Variants in RAP1A observed in about 807,000 individuals in gnomAD.
RAP1A encodes ras-related protein Rap-1A.
A neutral mutation model predicts 26.4 loss-of-function variants in RAP1A; 6 were observed. That is an observed-to-expected ratio of 0.23 (90% CI 0.12 to 0.45). The LOEUF is 0.45. Ranked by LOEUF, RAP1A falls within the 20% of genes least tolerant of loss-of-function variation. The pLI is 0.99. For synonymous variants in RAP1A, 73 were observed against 79.4 expected (o/e 0.92, Z 0.43); for missense variants, 121 against 217.2 (o/e 0.56, Z 2.78).
chr1:111,702,427 A>T lies in RAP1A; in HGVS notation c.184-909A>T, dbSNP rs1338706525. Among the ~76,000 whole-genome samples the T allele has an allele frequency of 2.6e-5, 4 of 152,204 alleles. No homozygotes were observed. In the East Asian group the frequency reaches 7.7e-4, roughly 29 times the overall value. ...AGGAAGTTTAAAATTAAGTAATTTT[A>T]ATTTGGCATGACTAAAGCTCAGTAA... is the stretch of plus-strand genomic sequence containing the variant. On this transcript the variant is annotated intron_variant, in intron 4 of 7. Transcript: ENST00000369709.
chr1:111,673,584 G>T (rs1661038933), intron 1 of RAP1A, among the ~76,000 whole-genome samples: 1 of 152,162 alleles, frequency 6.6e-6, no homozygotes, highest in South Asian at 2.1e-4. Flanking sequence ...ACTCAGAATT[G>T]ACTTAAAATT....
intron 1 of RAP1A, among the ~76,000 whole-genome samples, chr1:111,549,649 CAAA>C (rs370585012): frequency 1.7e-4 from 16 of 94,402 alleles, no homozygotes; most frequent in Admixed American, 4.6e-4. Context: ...GACTCTGTTT[CAAA>C]AAAAAAAAAA....
intron 1 of RAP1A, among the ~76,000 whole-genome samples, chr1:111,679,685 T>C (rs1661235722): frequency 6.6e-6 from 1 of 152,158 alleles, no homozygotes; most frequent in Non-Finnish European, 1.5e-5. Context: ...CACAGCATTC[T>C]GAAGTTGACC....
chr1:111,662,974 C>CATG (rs1220320253), intron 1 of RAP1A, among the ~76,000 whole-genome samples: 1 of 152,140 alleles, frequency 6.6e-6, no homozygotes, highest in Non-Finnish European at 1.5e-5. Context: ...GAGCAAGTGG[C>CATG]ATGATCTTGG....
chr1:111,640,381 T>G (rs777153977), intron 1 of RAP1A, among the ~76,000 whole-genome samples: 7 of 152,200 alleles, frequency 4.6e-5, no homozygotes, highest in Admixed American at 6.5e-5. Context: ...TTTAAAACAT[T>G]TTTTCCTCAC....
intron 1 of RAP1A, among the ~76,000 whole-genome samples, chr1:111,543,733 A>G (rs1367706029): frequency 6.6e-6 from 1 of 151,898 alleles, no homozygotes; most frequent in East Asian, 1.9e-4. Flanking sequence ...GAGGAGGAGG[A>G]AGAGGAGGGA....
intron 1 of RAP1A, among the ~76,000 whole-genome samples, chr1:111,552,051 A>G (rs759086459): frequency 1.3e-5 from 2 of 152,156 alleles, no homozygotes; most frequent in Non-Finnish European, 2.9e-5. Context: ...TGGTTAATCT[A>G]TTGTTTGCCC....
chr1:111,551,194 T>C (rs893314441), intron 1 of RAP1A, among the ~76,000 whole-genome samples: 1 of 152,242 alleles, frequency 6.6e-6, no homozygotes, highest in Non-Finnish European at 1.5e-5. Flanking sequence ...AAATTCATTC[T>C]TCTAACCTCT....
rs545568255 is a variant in RAP1A, at chr1:111,628,652, A to G, written c.-28+8718A>G. The stretch of plus-strand genomic sequence containing the variant: ...AGACAGGGAATCTGGATTAATAGTA[A>G]CACAGGTAAGGTAAGATCTGAGGGT... On this transcript the variant is annotated intron_variant, in intron 1 of 7. Transcript: ENST00000369709. Among the ~76,000 whole-genome samples the G allele has an allele frequency of 2.0e-5, 3 of 152,308 alleles. No homozygotes were observed. In the East Asian group the frequency reaches 5.8e-4, roughly 29 times the overall value.
intron 1 of RAP1A, among the ~76,000 whole-genome samples, chr1:111,559,692 T>C (rs1657652257): frequency 6.6e-6 from 1 of 152,344 alleles, no homozygotes; most frequent in African/African-American, 2.4e-5. Flanking sequence ...ACATCCATGT[T>C]CCTTTTGCTA....
intron 1 of RAP1A, among the ~76,000 whole-genome samples, chr1:111,663,456 A>G (rs2101162921): frequency 1.3e-5 from 2 of 152,216 alleles, no homozygotes; most frequent in Middle Eastern, 6.8e-3. Flanking sequence ...TATCAATAAC[A>G]CTCTAGTTAC....
chr1:111,647,583 T>C (rs1571525396), intron 1 of RAP1A, among the ~76,000 whole-genome samples: 1 of 152,352 alleles, frequency 6.6e-6, no homozygotes, highest in South Asian at 2.1e-4. Context: ...GGGACTATTA[T>C]AACATTTTTT....
intron 1 of RAP1A, among the ~76,000 whole-genome samples, chr1:111,597,955 C>T (rs1293633828): frequency 6.6e-6 from 1 of 152,152 alleles, no homozygotes; most frequent in Non-Finnish European, 1.5e-5. Flanking sequence ...ATACTACTGA[C>T]ATAGGAAAAA....
chr1:111,691,396 A>G lies in RAP1A; in HGVS notation c.36A>G (p.Gly12=). 1 of 1,613,530 alleles carries G rather than the reference A, an allele frequency of 6.2e-7. No homozygotes were observed. The highest frequency in any genetic ancestry group is 1.1e-5 in the South Asian group (1 of 91,072). Residue 12 remains glycine (G), a synonymous_variant, in exon 2 of 8, where the codon GGA becomes GGG. Transcript: ENST00000369709. ...ACAAGCTAGTGGTCCTTGGTTCAGG[A>G]GGCGTTGGGAAGTCTGCTCTGGTAA... The part of the protein sequence containing the change: ...REYKLVVLGS[G]GVGKSALTVQ...
chr1:111,683,259 C>G (rs957421667), intron 1 of RAP1A, among the ~76,000 whole-genome samples: 1 of 152,000 alleles, frequency 6.6e-6, no homozygotes, highest in African/African-American at 2.4e-5. Flanking sequence ...ATTAAAAGAA[C>G]TAGAGAAGCA....
chr1:111,657,360 G>GGGT (rs1660495080), intron 1 of RAP1A, among the ~76,000 whole-genome samples: 1 of 152,126 alleles, frequency 6.6e-6, no homozygotes, highest in Non-Finnish European at 1.5e-5. Context: ...GTTTAGACTT[G>GGGT]GGTCCCATTC....
intron 1 of RAP1A, among the ~76,000 whole-genome samples, chr1:111,560,441 G>A (rs1657686687): frequency 8.0e-6 from 1 of 125,256 alleles, no homozygotes; most frequent in Non-Finnish European, 1.6e-5. Context: ...GGAACAGATT[G>A]AAAGAAGCCC....
intron 1 of RAP1A, among the ~76,000 whole-genome samples, chr1:111,687,683 A>G (rs906276973): frequency 6.6e-6 from 1 of 151,840 alleles, no homozygotes; most frequent in Non-Finnish European, 1.5e-5. Flanking sequence ...CTACATGTAA[A>G]CCCTGTGATT....
At chr1:111,708,065 G>A (rs1004956519) in intron 6 of RAP1A, among the ~76,000 whole-genome samples, 1 of 152,022 alleles carries the variant, frequency 6.6e-6, no homozygotes, top group African/African-American at 2.4e-5. Context: ...GCTCCCAGCC[G>A]TTCGGGAGGC....
Sources: allele counts gnomAD v4.1 joint callset (sites outside exome capture counted in the v4.1 genomes callset), GRCh38; gene constraint gnomAD v4.1.1; transcripts MANE v1.5; gene names NCBI Gene and HGNC (gene_info 2026-07-23, HGNC 2026-07-21).